Variants in PPP1R9B observed in about 807,000 individuals in gnomAD.
PPP1R9B encodes the protein protein phosphatase 1 regulatory subunit 9B, also known as neurabin-2.
Under a neutral mutation model 75.8 loss-of-function variants are expected in PPP1R9B, and 17 were observed. The observed-to-expected ratio is 0.22, with a 90% CI of 0.15 to 0.34. PPP1R9B has a LOEUF of 0.34. PPP1R9B is among the 10% of genes least tolerant of loss of function. The pLI, the probability that PPP1R9B is intolerant of heterozygous loss-of-function variation, is 1.00. For synonymous variants in PPP1R9B, 509 were observed against 535.4 expected (o/e 0.95, Z 0.68); for missense variants, 875 against 1,196.0 (o/e 0.73, Z 3.96).
rs770676502 is a variant in PPP1R9B, at chr17:50,143,678, G to A, written c.1545C>T (p.Ala515=). 6.4e-5 allele frequency: 103 copies of A among 1,613,836 alleles called. No homozygotes were observed. The highest frequency in any genetic ancestry group is 1.6e-4 in the Middle Eastern group (1 of 6,084). The change falls in exon 3 of 10, where the codon GCC becomes GCT. Residue 515 remains alanine (A), a synonymous_variant. Transcript: ENST00000612501. ...GLGISIIGMG[A]GADMGLEKLG... ...GCTTCTCCAGGCCCATGTCTGCCCCGGCGCCCATGCCGATGATGCTGATGC... is the reference window on the plus strand; with the variant it reads ...GCTTCTCCAGGCCCATGTCTGCCCCAGCGCCCATGCCGATGATGCTGATGC...
At chr17:50,145,277 G>A (rs759973238) in intron 1 of PPP1R9B, 32 bp from the exon 2 acceptor site, 22 of 1,610,520 alleles carry the variant, frequency 1.4e-5, no homozygotes, top group South Asian at 3.3e-5. Flanking sequence ...CAGAGAGGCC[G>A]GCAGGAGGAC....
chr17:50,150,514 G>A lies in PPP1R9B; in HGVS notation c.-1C>T. The A allele has an allele frequency of 2.3e-6, 3 of 1,329,082 alleles. No individual in the cohort carries two copies. Among genetic ancestry groups the A allele is most frequent in the Non-Finnish European group, 2.9e-6 (3 of 1,038,276 alleles). 82.3% of individuals were successfully genotyped at this position (1,329,082 alleles called of 1,614,324 possible). A position where few individuals can be genotyped will look rare whatever the true frequency, so the allele number is the denominator to read the frequency against. On this transcript the variant is annotated 5_prime_UTR_variant, in exon 1 of 10. Coordinates refer to ENST00000612501, the MANE Select transcript of PPP1R9B (RefSeq NM_032595.5). This position sits in a 1 kb window ranked among gnomAD's most constrained non-coding sequence, Gnocchi z 8.7. ...GCCCCCGTGGCTCCGTCTTCATCAT[G>A]GTGGGGGGAGCCGGGTTCGCATGCC...
rs1912664790 is a variant in PPP1R9B, at chr17:50,150,392, G to A, written c.122C>T (p.Ala41Val). ...KPPDAPGPDE[A>V]PKGAHHKKYG... Reference sequence around the variant, plus strand: ...TTTCTTGTGGTGGGCCCCCTTGGGTGCCTCGTCGGGCCCGGGCGCGTCGGG... The same window carrying A: ...TTTCTTGTGGTGGGCCCCCTTGGGTACCTCGTCGGGCCCGGGCGCGTCGGG... The change falls in exon 1 of 10, where the codon GCA (alanine) becomes GTA (valine). Residue 41 changes from alanine to valine, a missense_variant. Physicochemically the swap from Ala to Val is moderately conservative, Grantham distance 64. Coordinates refer to ENST00000612501, the MANE Select transcript of PPP1R9B (RefSeq NM_032595.5). The surrounding 1 kb of genome is among the most constrained non-coding windows in gnomAD (Gnocchi z 8.7). 1 of 1,404,958 alleles carries A rather than the reference G, an allele frequency of 7.1e-7. No individual in the cohort carries two copies. Among genetic ancestry groups the A allele is most frequent in the Non-Finnish European group, 9.3e-7 (1 of 1,078,138 alleles). The allele number at this position is 1,404,958 out of a possible 1,614,324, so 87.0% of individuals were successfully genotyped here.
chr17:50,141,939 A>G (rs1421711656), intron 3 of PPP1R9B, among the ~76,000 whole-genome samples: 1 of 152,208 alleles, frequency 6.6e-6, no homozygotes, highest in Non-Finnish European at 1.5e-5. Context: ...GCGGTGTGAC[A>G]TTCTCAGAGT....
chr17:50,140,071 C>G lies in PPP1R9B; in HGVS notation c.1866+22G>C, dbSNP rs773910213. The G allele has an allele frequency of 4.3e-6, 7 of 1,610,846 alleles. No individual in the cohort carries two copies. The South Asian group carries it at 6.6e-5, about 15-fold the overall frequency. ...AGCCACCAGGGGGCGACCACGCGGCCAGCCAGGCAGGGACTCCCTACCTCC... is the reference window on the plus strand; with the variant it reads ...AGCCACCAGGGGGCGACCACGCGGCGAGCCAGGCAGGGACTCCCTACCTCC... On this transcript the variant is annotated intron_variant, in intron 5 of 9. Coordinates refer to ENST00000612501, the MANE Select transcript of PPP1R9B (RefSeq NM_032595.5).
rs1912331432 is a variant in PPP1R9B at position 50,140,083 on chromosome 17, G to C, written c.1866+10C>G. The stretch of plus-strand genomic sequence containing the variant: ...GCGACCACGCGGCCAGCCAGGCAGG[G>C]ACTCCCTACCTCCTCGTCATCCTCC... On this transcript the variant is annotated intron_variant, in intron 5 of 9. Coordinates refer to ENST00000612501, the MANE Select transcript of PPP1R9B (RefSeq NM_032595.5). The C allele has an allele frequency of 1.2e-6, 2 of 1,612,338 alleles. No individual in the cohort carries two copies. Among genetic ancestry groups the C allele is most frequent in the Non-Finnish European group, 1.7e-6 (2 of 1,179,254 alleles).
At chr17:50,136,769 C>A (rs1007558) in intron 7 of PPP1R9B, among the ~76,000 whole-genome samples, 26,253 of 151,922 alleles carry the variant, frequency 0.17, 2,629 homozygotes, top group African/African-American at 0.27. Flanking sequence ...ACTCACTGCC[C>A]TGGGGCACCG....
chr17:50,135,020 G>C lies in PPP1R9B; in HGVS notation c.*311C>G. On this transcript the variant is annotated 3_prime_UTR_variant, in exon 10 of 10. Transcript: ENST00000612501. Reference sequence around the variant, plus strand: ...AAGCTGGAGTGTGTAAAGTCTGGCAGTTTGATCTGCAGGTGCTTGTGTCCG... The same window carrying C: ...AAGCTGGAGTGTGTAAAGTCTGGCACTTTGATCTGCAGGTGCTTGTGTCCG... The C allele has an allele frequency of 2.3e-6, 1 of 441,640 alleles. No individual in the cohort carries two copies. Among genetic ancestry groups the C allele is most frequent in the Non-Finnish European group, 4.2e-6 (1 of 239,268 alleles). The allele number at this position is 441,640 out of a possible 1,614,324, so 27.4% of individuals were successfully genotyped here.
At chr17:50,147,129 C>G (rs1317571040) in intron 1 of PPP1R9B, among the ~76,000 whole-genome samples, 7 of 152,242 alleles carry the variant, frequency 4.6e-5, no homozygotes, top group Non-Finnish European at 1.0e-4. Context: ...CCTATCAAAT[C>G]CTGTTCCCTT....
Position 50,140,125 on chromosome 17 carries a change from T to G in PPP1R9B, c.1834A>C (p.Arg612=). Residue 612 remains arginine (R), a synonymous_variant, in exon 5 of 10, where the codon AGA becomes CGA. Coordinates refer to ENST00000612501, the MANE Select transcript of PPP1R9B (RefSeq NM_032595.5). ...TCATCCTCCCCATACTGGGCGTATC[T>G]CTGCTCCATCATCTCCCGCTGCCAT... is the stretch of plus-strand genomic sequence containing the variant. ...ERWQREMMEQ[R]YAQYGEDDEE... 1 of 1,613,506 alleles carries G rather than the reference T, an allele frequency of 6.2e-7. No individual in the cohort carries two copies. The highest frequency in any genetic ancestry group is 8.5e-7 in the Non-Finnish European group (1 of 1,179,756).
chr17:50,147,525 G>A (rs1483304501), intron 1 of PPP1R9B, among the ~76,000 whole-genome samples: 2 of 152,220 alleles, frequency 1.3e-5, no homozygotes, highest in South Asian at 2.1e-4. Flanking sequence ...CCAGGGAGCC[G>A]GGAAGCACTG....
At position 50,139,956 on chromosome 17, in the gene PPP1R9B, A is replaced by C. The variant is rs1912325774; in HGVS notation, c.1866+137T>G. 2 of 966,120 alleles carry C rather than the reference A, an allele frequency of 2.1e-6. No homozygotes were observed. The highest frequency in any genetic ancestry group is 3.0e-6 in the Non-Finnish European group (2 of 664,124). 59.8% of individuals were successfully genotyped at this position (966,120 alleles called of 1,614,324 possible). A position where few individuals can be genotyped will look rare whatever the true frequency, so the allele number is the denominator to read the frequency against. Reference sequence around the variant, plus strand: ...TTCCTTGTCCGGCCTCTGAAGACAAAGAGTGTGACTGGAGGACAGGGAATG... The same window carrying C: ...TTCCTTGTCCGGCCTCTGAAGACAACGAGTGTGACTGGAGGACAGGGAATG... On this transcript the variant is annotated intron_variant, in intron 5 of 9. Coordinates refer to ENST00000612501, the MANE Select transcript of PPP1R9B (RefSeq NM_032595.5). The surrounding 1 kb of genome is among the most constrained non-coding windows in gnomAD (Gnocchi z 5.0).
At chr17:50,144,378 G>A (rs1429229904) in intron 2 of PPP1R9B, among the ~76,000 whole-genome samples, 4 of 151,992 alleles carry the variant, frequency 2.6e-5, no homozygotes, top group Admixed American at 1.3e-4. Flanking sequence ...ACCCACACCC[G>A]CTCTGCCATC....
At position 50,143,669 on chromosome 17, in the gene PPP1R9B, G is replaced by A; in HGVS notation, c.1554C>T (p.Asp518=). 1 of 1,614,016 alleles carries A rather than the reference G, an allele frequency of 6.2e-7. No homozygotes were observed. Among genetic ancestry groups the A allele is most frequent in the Non-Finnish European group, 8.5e-7 (1 of 1,179,872 alleles). Residue 518 remains aspartate (D), a synonymous_variant, in exon 3 of 10, where the codon GAC becomes GAT. Coordinates refer to ENST00000612501, the MANE Select transcript of PPP1R9B (RefSeq NM_032595.5). The part of the protein sequence containing the change: ...ISIIGMGAGA[D]MGLEKLGIFV... The stretch of plus-strand genomic sequence containing the variant: ...AGATACCCAGCTTCTCCAGGCCCAT[G>A]TCTGCCCCGGCGCCCATGCCGATGA...
In PPP1R9B at chr17:50,139,419, C is replaced by T. The variant is rs749940381; in HGVS notation, c.2019+10G>A. On this transcript the variant is annotated intron_variant, in intron 6 of 9. Coordinates refer to ENST00000612501, the MANE Select transcript of PPP1R9B (RefSeq NM_032595.5). The surrounding 1 kb of genome is among the most constrained non-coding windows in gnomAD (Gnocchi z 5.0). The stretch of plus-strand genomic sequence containing the variant: ...TTCCCTCCACCACTCCAGGGAGCCC[C>T]TCCTCCCACCTCCTTGAACTTGTGC... 12 of 1,610,528 alleles carry T rather than the reference C, an allele frequency of 7.5e-6. No individual in the cohort carries two copies. The South Asian group carries it at 1.3e-4, about 18-fold the overall frequency.
At chr17:50,146,208 G>A (rs994273818) in intron 1 of PPP1R9B, 1 of 152,454 alleles carries the variant, frequency 6.6e-6, no homozygotes, top group Non-Finnish European at 1.5e-5. Flanking sequence ...CAGAGAAGGT[G>A]GGGCTGGGCT....
Position 50,136,144 on chromosome 17 carries a change from C to T in PPP1R9B, c.2127G>A (p.Leu709=). The T allele has an allele frequency of 1.2e-6, 2 of 1,605,844 alleles. No individual in the cohort carries two copies. The highest frequency in any genetic ancestry group is 1.7e-6 in the Non-Finnish European group (2 of 1,179,816). ...KGRWRVEKAQ[L]EQSVEENKER... is the part of the protein sequence containing the mutation. Reference sequence around the variant, plus strand: ...CCTTGTTCTCCTCCACACTCTGCTCCAACTGCGCCTTCTCCACCCGCCAGC... The same window carrying T: ...CCTTGTTCTCCTCCACACTCTGCTCTAACTGCGCCTTCTCCACCCGCCAGC... The change falls in exon 8 of 10, where the codon TTG becomes TTA. Residue 709 remains leucine (L), a synonymous_variant. Transcript: ENST00000612501.
intron 3 of PPP1R9B, among the ~76,000 whole-genome samples, chr17:50,141,651 A>C (rs2144447204): frequency 6.7e-6 from 1 of 149,504 alleles, no homozygotes. Context: ...CAACAGAGTA[A>C]GACCCTGCCT....
chr17:50,143,521 G>T, intron 3 of PPP1R9B, 77 bp downstream of exon 3: 6 of 1,548,584 alleles, frequency 3.9e-6, no homozygotes, highest in East Asian at 2.3e-5. Context: ...CCCACCCCCT[G>T]CTCAGTGGCC....
Sources: gnomAD v4.1 joint callset for allele counts (sites outside exome capture counted in the v4.1 genomes callset) on GRCh38, gnomAD v4.1.1 for gene constraint, Gnocchi (gnomAD v3.1) non-coding constraint, MANE v1.5 for transcripts, NCBI Gene and HGNC (gene_info 2026-07-23, HGNC 2026-07-21) for gene names.